The following CYP2D6 variants were observed in gnomAD, a reference collection of about 807,000 sequenced individuals.
CYP2D6 encodes cytochrome P450 2D6.
In CYP2D6, 51 loss-of-function variants were observed where a neutral mutation model predicts 43.5. The ratio of observed to expected loss-of-function variants is 1.17; its 90% CI spans 0.94 to 1.48. The LOEUF (loss-of-function observed/expected upper bound fraction) is 1.48, where lower values mean the gene tolerates loss of function less well. Ranked by LOEUF, CYP2D6 falls within the 40% of genes most tolerant of loss-of-function variation. CYP2D6 has a pLI of 0.00. For synonymous variants in CYP2D6, 346 were observed against 297.1 expected (o/e 1.16, Z -1.69); for missense variants, 698 against 688.0 (o/e 1.01, Z -0.16).
Position 42,129,512 on chromosome 22 carries a change from A to G in CYP2D6, c.352+226T>C. 5.5e-6 allele frequency: 4 copies of G among 733,354 alleles called. No homozygotes were observed. The South Asian group carries it at 6.6e-5, about 12-fold the overall frequency. 45.4% of individuals were successfully genotyped at this position (733,354 alleles called of 1,614,324 possible). On this transcript the variant is annotated intron_variant, in intron 2 of 8. Coordinates refer to ENST00000645361, the MANE Select transcript of CYP2D6 (RefSeq NM_000106.6). ...GCTGGGAAATGCGCCAGCCTCACCC[A>G]TTGGGCTCCTGCCAGGTCTCGGCAG...
In CYP2D6 at chr22:42,127,876, G is replaced by A. The variant is rs375586652; in HGVS notation, c.951C>T (p.Gly317=). The change falls in exon 6 of 9, where the codon GGC becomes GGT. Residue 317 remains glycine, a synonymous_variant. Transcript: ENST00000645361. ...CCGGATGTAGGATCATGAGCAGGAGGCCCCAGGCCAGCGTGGTCGAGGTGG... is the reference window on the plus strand; with the variant it reads ...CCGGATGTAGGATCATGAGCAGGAGACCCCAGGCCAGCGTGGTCGAGGTGG... The part of the protein sequence containing the change: ...MVTTSTTLAW[G]LLLMILHPDV... 1.5e-5 allele frequency: 24 copies of A among 1,611,022 alleles called. No individual in the cohort carries two copies. In the African/African-American group the frequency reaches 2.3e-4, roughly 15 times the overall value.
intron 7 of CYP2D6, 92 bp downstream of exon 7, chr22:42,127,355 G>A (rs1202479221): frequency 7.7e-7 from 1 of 1,299,692 alleles, no homozygotes; most frequent in Non-Finnish European, 1.1e-6. Flanking sequence ...AGGTGGCCAG[G>A]GTTCCTAGAG....
In CYP2D6 at chr22:42,130,530, TGTG is replaced by T. The variant is rs1037277321; in HGVS notation, c.180+79_180+81del. On this transcript the variant is annotated intron_variant, in intron 1 of 8. Transcript: ENST00000645361. The stretch of plus-strand genomic sequence containing the variant: ...TCTCAGCCTGGCTTCTGGTCCAGCC[TGTG>T]GTTTCACCCACCATCCATGTTTGCT... The T allele has an allele frequency of 6.2e-6, 8 of 1,289,182 alleles. No individual in the cohort carries two copies. In the African/African-American group the frequency reaches 7.9e-5, roughly 13 times the overall value. The allele number at this position is 1,289,182 out of a possible 1,614,324, so 79.9% of individuals were successfully genotyped here.
Position 42,127,474 on chromosome 22 carries a change from G to C in CYP2D6, c.1146C>G (p.Ile382Met). 1 of 1,610,928 alleles carries C rather than the reference G, an allele frequency of 6.2e-7. No individual in the cohort carries two copies. Among genetic ancestry groups the C allele is most frequent in the Non-Finnish European group, 8.5e-7 (1 of 1,177,738 alleles). ...LGVTHMTSRD[I>M]EVQGFRIPKG... Reference sequence around the variant, plus strand: ...TAGGGATGCGGAAGCCCTGTACTTCGATGTCACGGGATGTCATATGGGTCA... The same window carrying C: ...TAGGGATGCGGAAGCCCTGTACTTCCATGTCACGGGATGTCATATGGGTCA... Residue 382 changes from isoleucine to methionine, a missense_variant, in exon 7 of 9, where the codon ATC becomes ATG. This residue lies in a region of CYP2D6 where 16 missense variants were observed against 30.5 expected (regional missense o/e 0.52). Transcript: ENST00000645361.
rs757862366 is a variant in CYP2D6, at chr22:42,130,657, G to A, written c.135C>T (p.Asn45=). ...PGPLPLPGLG[N]LLHVDFQNTP... is the part of the protein sequence containing the mutation. Reference sequence around the variant, plus strand: ...TGTTCTGGAAGTCCACATGCAGCAGGTTGCCCAGCCCGGGCAGTGGCAGGG... The same window carrying A: ...TGTTCTGGAAGTCCACATGCAGCAGATTGCCCAGCCCGGGCAGTGGCAGGG... Residue 45 remains asparagine (N), a synonymous_variant, in exon 1 of 9, where the codon AAC becomes AAT. Transcript: ENST00000645361. The A allele has an allele frequency of 1.9e-6, 3 of 1,608,754 alleles. 1 individual carries two copies. The highest frequency in any genetic ancestry group is 8.5e-7 in the Non-Finnish European group (1 of 1,177,278).
chr22:42,128,800 G>A lies in CYP2D6; in HGVS notation c.650C>T (p.Ser217Leu), dbSNP rs201501394. ...GCTCCGCACCTCGCGCAGAAAGCCC[G>A]ACTCCTCCTTCAGTCCCTCCTGAGC... Reference protein sequence around the residue: ...DLAQEGLKEESGFLREVLNAV... With the variant: ...DLAQEGLKEELGFLREVLNAV... The change falls in exon 4 of 9, where the codon TCG (serine) becomes TTG (leucine). Residue 217 changes from serine (S) to leucine (L), a missense_variant. Coordinates refer to ENST00000645361, the MANE Select transcript of CYP2D6 (RefSeq NM_000106.6). The A allele has an allele frequency of 3.4e-5, 55 of 1,607,102 alleles. No homozygotes were observed. Among genetic ancestry groups the A allele is most frequent in the Middle Eastern group, 1.7e-4 (1 of 6,048 alleles).
chr22:42,130,809 AT>A lies in CYP2D6; in HGVS notation c.-19del, dbSNP rs748576529. The A allele has an allele frequency of 5.5e-4, 853 of 1,553,856 alleles. 19 individuals are homozygous for A. The highest frequency in any genetic ancestry group is 1.0e-4 in the Non-Finnish European group (117 of 1,147,560). Reference sequence around the variant, plus strand: ...AGCCCCATACCTGCCTCACTACCAAATGGGCTCCTCTGGACACACCTGGCAC... The same window carrying A: ...AGCCCCATACCTGCCTCACTACCAAAGGGCTCCTCTGGACACACCTGGCAC... On this transcript the variant is annotated 5_prime_UTR_variant, in exon 1 of 9. Coordinates refer to ENST00000645361, the MANE Select transcript of CYP2D6 (RefSeq NM_000106.6).
chr22:42,128,184 T>C lies in CYP2D6; in HGVS notation c.833A>G (p.Glu278Gly). The C allele has an allele frequency of 6.2e-7, 1 of 1,606,176 alleles. No homozygotes were observed. Among genetic ancestry groups the C allele is most frequent in the Non-Finnish European group, 8.5e-7 (1 of 1,176,152 alleles). Reference sequence around the variant, plus strand: ...GGCAGCCACTCTCACCTTCTCCATCTCTGCCAGGAAGGCCTCAGTCAGGTC... The same window carrying C: ...GGCAGCCACTCTCACCTTCTCCATCCCTGCCAGGAAGGCCTCAGTCAGGTC... ...PRDLTEAFLA[E>G]MEKAKGNPES... The change falls in exon 5 of 9, where the codon GAG becomes GGG. Residue 278 changes from glutamate (E) to glycine (G), a missense_variant. Coordinates refer to ENST00000645361, the MANE Select transcript of CYP2D6 (RefSeq NM_000106.6).
Position 42,126,677 on chromosome 22 carries a change from A to C in CYP2D6, c.1391T>G (p.Phe464Cys). The stretch of plus-strand genomic sequence containing the variant: ...CTGTCCAGTGGGCACCGAGAAGCTG[A>C]AGTGCTGCAGCAGGGAGGTGAAGAA... Reference protein sequence around the residue: ...FLFFTSLLQHFSFSVPTGQPR... With the variant: ...FLFFTSLLQHCSFSVPTGQPR... The change falls in exon 9 of 9, where the codon TTC becomes TGC. Residue 464 changes from phenylalanine to cysteine, a missense_variant. Phe to Cys is a radical substitution (Grantham distance 205). This residue lies in a region of CYP2D6 where 85 missense variants were observed against 81.2 expected (regional missense o/e 1.05). Coordinates refer to ENST00000645361, the MANE Select transcript of CYP2D6 (RefSeq NM_000106.6). 6.2e-7 allele frequency: 1 copy of C among 1,604,968 alleles called. No individual in the cohort carries two copies.
At chr22:42,129,635 T>G (rs1165889013) in intron 2 of CYP2D6, 103 bp downstream of exon 2, 2 of 1,483,006 alleles carry the variant, frequency 1.3e-6, no homozygotes, top group Non-Finnish European at 9.3e-7. Flanking sequence ...CTCGCTGGCC[T>G]GTTTCATGTC....
intron 4 of CYP2D6, among the ~76,000 whole-genome samples, 157 bp downstream of exon 4, chr22:42,128,627 G>A (rs1230334323): frequency 6.6e-6 from 1 of 150,950 alleles, no homozygotes; most frequent in Non-Finnish European, 1.5e-5. Flanking sequence ...TGTCTGAGAT[G>A]TCCCCTCCTC....
In CYP2D6 at chr22:42,127,536, C is replaced by G. The variant is rs773966528; in HGVS notation, c.1084G>C (p.Glu362Gln). The change falls in exon 7 of 9, where the codon GAG (glutamate) becomes CAG (glutamine). Residue 362 changes from glutamate to glutamine, a missense_variant. Glu to Gln is a conservative substitution (Grantham distance 29). This residue lies in a region of CYP2D6 where 588 missense variants were observed against 521.1 expected (regional missense o/e 1.13). Coordinates refer to ENST00000645361, the MANE Select transcript of CYP2D6 (RefSeq NM_000106.6). ...ACGATGTCCCCAAAGCGCTGCACCT[C>G]ATGAATCACGGCAGTGGTGTAGGGC... ...HMPYTTAVIH[E>Q]VQRFGDIVPL... 1.1e-5 allele frequency: 17 copies of G among 1,612,158 alleles called. No individual in the cohort carries two copies. In the South Asian group the frequency reaches 1.9e-4, roughly 18 times the overall value.
intron 2 of CYP2D6, chr22:42,129,446 A>C (rs1931648579): frequency 2.7e-6 from 2 of 741,966 alleles, no homozygotes; most frequent in Admixed American, 2.1e-5. Context: ...AGCTTACAGC[A>C]CAGGTGCGGT....
rs533063276 is a variant in CYP2D6 at position 42,128,156 on chromosome 22, C to G, written c.843+18G>C. 1 of 1,596,794 alleles carries G rather than the reference C, an allele frequency of 6.3e-7. No individual in the cohort carries two copies. The highest frequency in any genetic ancestry group is 1.4e-5 in the African/African-American group (1 of 73,638). Reference sequence around the variant, plus strand: ...TCAACCCACCACCCTTGCCCCCCACCGTGGCAGCCACTCTCACCTTCTCCA... The same window carrying G: ...TCAACCCACCACCCTTGCCCCCCACGGTGGCAGCCACTCTCACCTTCTCCA... On this transcript the variant is annotated intron_variant, in intron 5 of 8. Coordinates refer to ENST00000645361, the MANE Select transcript of CYP2D6 (RefSeq NM_000106.6).
In CYP2D6 at chr22:42,129,278, G is replaced by C. The variant is rs67497403; in HGVS notation, c.353-93C>G. ...AACCCTATGCTCCCCCTGGTCTCCC[G>C]CAGTCCCTGGCTCTGTCCAGCTGGT... On this transcript the variant is annotated intron_variant, in intron 2 of 8. Transcript: ENST00000645361. 9.6e-6 allele frequency: 14 copies of C among 1,451,542 alleles called. 1 individual carries two copies. The East Asian group carries it at 3.0e-4, about 31-fold the overall frequency. The allele number at this position is 1,451,542 out of a possible 1,614,324, so 89.9% of individuals were successfully genotyped here.
chr22:42,130,475 T>C lies in CYP2D6; in HGVS notation c.180+137A>G, dbSNP rs34291018. On this transcript the variant is annotated intron_variant, in intron 1 of 8. Coordinates refer to ENST00000645361, the MANE Select transcript of CYP2D6 (RefSeq NM_000106.6). ...TTCATGCCATGTATAAATGCCCTTCTCCAGGACGTCCCCCAAACCTGCTTC... is the reference window on the plus strand; with the variant it reads ...TTCATGCCATGTATAAATGCCCTTCCCCAGGACGTCCCCCAAACCTGCTTC... 335 of 1,014,776 alleles carry C rather than the reference T, an allele frequency of 3.3e-4. 6 individuals carry two copies. The highest frequency in any genetic ancestry group is 1.3e-3 in the East Asian group (51 of 38,968). 62.9% of individuals were successfully genotyped at this position (1,014,776 alleles called of 1,614,324 possible).
rs1238328985 is a variant in CYP2D6, at chr22:42,129,440, T to C, written c.353-255A>G. 9 of 750,868 alleles carry C rather than the reference T, an allele frequency of 1.2e-5. 1 individual carries two copies. Among genetic ancestry groups the C allele is most frequent in the Admixed American group, 4.1e-5 (2 of 49,330 alleles). The allele number at this position is 750,868 out of a possible 1,614,324, so 46.5% of individuals were successfully genotyped here. On this transcript the variant is annotated intron_variant, in intron 2 of 8. Transcript: ENST00000645361. ...GGCCCCGCGCCACCCACACTGAGCT[T>C]ACAGCACAGGTGCGGTCCCCGCCCC...
In CYP2D6 at chr22:42,128,356, C is replaced by T. The variant is rs774751991; in HGVS notation, c.667-6G>A. On this transcript the variant is annotated splice_polypyrimidine_tract_variant and splice_region_variant and intron_variant, in intron 4 of 8. Coordinates refer to ENST00000645361, the MANE Select transcript of CYP2D6 (RefSeq NM_000106.6). ...ACGGGGACAGCATTCAGCACCTACACCAGACAGAACGGGGTCTCAATCCCT... is the reference window on the plus strand; with the variant it reads ...ACGGGGACAGCATTCAGCACCTACATCAGACAGAACGGGGTCTCAATCCCT... 2.7e-5 allele frequency: 44 copies of T among 1,609,828 alleles called. 1 individual carries two copies. In the East Asian group the frequency reaches 7.8e-4, roughly 29 times the overall value.
chr22:42,129,522 T>C, intron 2 of CYP2D6: 2 of 753,678 alleles, frequency 2.7e-6, no homozygotes, highest in Non-Finnish European at 4.5e-6. Flanking sequence ...ATTGGGCTCC[T>C]GCCAGGTCTC....
Sources: gnomAD v4.1 joint callset for allele counts (sites outside exome capture counted in the v4.1 genomes callset) on GRCh38, gnomAD v4.1.1 for gene constraint, gnomAD v4.1.1 regional missense constraint, MANE v1.5 for transcripts, NCBI Gene and HGNC (gene_info 2026-07-23, HGNC 2026-07-21) for gene names.